GPATCH2: variants seen among roughly 807,000 people sequenced by gnomAD.
GPATCH2 encodes G patch domain-containing protein 2.
GPATCH2 carries 51 observed loss-of-function variants against 58.0 expected under a neutral mutation model. That is an observed-to-expected ratio of 0.88 (90% CI 0.70 to 1.11). GPATCH2 has a LOEUF of 1.11. Among genes scored for constraint, GPATCH2 ranks in the 50% most tolerant of loss-of-function variants. The pLI is 0.00. For missense variants in GPATCH2, 625 were observed against 652.2 expected (o/e 0.96, Z 0.45); for synonymous variants, 222 against 218.5 (o/e 1.02, Z -0.14).
At chr1:217,487,200 C>T (rs1160169487) in intron 8 of GPATCH2, among the ~76,000 whole-genome samples, 1 of 152,098 alleles carries the variant, frequency 6.6e-6, no homozygotes, top group Admixed American at 6.6e-5. Context: ...CTTGAAGTTT[C>T]CTATGTATTT....
chr1:217,577,446 A>G (rs771496403), intron 5 of GPATCH2, among the ~76,000 whole-genome samples: 5 of 152,170 alleles, frequency 3.3e-5, no homozygotes, highest in African/African-American at 1.2e-4. Flanking sequence ...TCATTTCCCA[A>G]TCTGTAAAAC....
At chr1:217,538,485 T>G (rs1416695168) in intron 5 of GPATCH2, among the ~76,000 whole-genome samples, 1 of 152,216 alleles carries the variant, frequency 6.6e-6, no homozygotes, top group Non-Finnish European at 1.5e-5. Flanking sequence ...TAGCTATACT[T>G]CACCAGATTT....
At chr1:217,445,249 A>C (rs1659332955) in intron 9 of GPATCH2, among the ~76,000 whole-genome samples, 1 of 152,166 alleles carries the variant, frequency 6.6e-6, no homozygotes, top group Admixed American at 6.5e-5. Context: ...GCAAAATAGT[A>C]ATAGGCAATA....
Position 217,619,959 on chromosome 1 carries a change from G to C in GPATCH2, c.597C>G (p.Tyr199Ter), listed in dbSNP as rs1386134696. 6.2e-7 allele frequency: 1 copy of C among 1,613,786 alleles called. No homozygotes were observed. The highest frequency in any genetic ancestry group is 8.5e-7 in the Non-Finnish European group (1 of 1,179,896). The stretch of plus-strand genomic sequence containing the variant: ...TGTTCTTGGTAAATTCTTGATACTG[G>C]TAGGCTCTATCACTGTCCATGTCCT... The part of the protein sequence containing the change: ...RDQDMDSDRA[Y>*]QYQEFTKNKV... The change falls in exon 2 of 10, where the codon TAC (tyrosine) becomes TAG (stop). Residue 199 changes from tyrosine to a stop codon, truncating the protein, a stop_gained. Transcript: ENST00000366935. LOFTEE classifies it high-confidence loss of function.
At chr1:217,475,802 T>A (rs1660940921) in intron 8 of GPATCH2, among the ~76,000 whole-genome samples, 1 of 152,088 alleles carries the variant, frequency 6.6e-6, no homozygotes, top group Non-Finnish European at 1.5e-5. Flanking sequence ...ACATGCAAAA[T>A]TCCATAAATT....
intron 9 of GPATCH2, among the ~76,000 whole-genome samples, chr1:217,445,233 T>C (rs537864795): frequency 1.3e-5 from 2 of 152,138 alleles, no homozygotes; most frequent in African/African-American, 4.8e-5. Flanking sequence ...ATTATTTCAA[T>C]AGAAAGCAAA....
At chr1:217,464,829 C>T (rs1246748377) in intron 8 of GPATCH2, among the ~76,000 whole-genome samples, 1 of 152,012 alleles carries the variant, frequency 6.6e-6, no homozygotes, top group Admixed American at 6.6e-5. Flanking sequence ...GTACAGGAAA[C>T]CTCATTCAGA....
intron 6 of GPATCH2, among the ~76,000 whole-genome samples, chr1:217,504,959 A>G (rs1397421885): frequency 6.6e-6 from 1 of 152,242 alleles, no homozygotes; most frequent in Non-Finnish European, 1.5e-5. Context: ...AGAGGAAGAA[A>G]AAAATGCTCT....
chr1:217,618,377 T>C (rs369772532), intron 2 of GPATCH2, among the ~76,000 whole-genome samples: 175 of 152,016 alleles, frequency 1.2e-3, no homozygotes, highest in East Asian at 7.8e-3. Flanking sequence ...TCGGCTAATT[T>C]TTCTATTTTT....
intron 5 of GPATCH2, among the ~76,000 whole-genome samples, chr1:217,583,656 C>G (rs1283447563): frequency 6.8e-6 from 1 of 146,118 alleles, no homozygotes; most frequent in African/African-American, 2.5e-5. Flanking sequence ...TTTTTAAGAA[C>G]TGATTAAAGA....
chr1:217,434,772 A>G (rs1261181914), intron 9 of GPATCH2, among the ~76,000 whole-genome samples: 1 of 152,192 alleles, frequency 6.6e-6, no homozygotes, highest in Non-Finnish European at 1.5e-5. Context: ...TATAATTGAA[A>G]AATGTTGGTA....
chr1:217,498,879 T>A (rs554540517), intron 6 of GPATCH2: 3 of 197,274 alleles, frequency 1.5e-5, no homozygotes, highest in Non-Finnish European at 3.1e-5. Context: ...TCAGCTGAGG[T>A]ACCTTGGACC....
intron 2 of GPATCH2, among the ~76,000 whole-genome samples, chr1:217,618,964 A>G (rs1270107307): frequency 4.1e-5 from 4 of 97,334 alleles, no homozygotes; most frequent in African/African-American, 6.2e-5. Context: ...CTCTATCTCG[A>G]AAAAAAAAAA....
At chr1:217,448,150 T>C (rs1413363423) in intron 9 of GPATCH2, among the ~76,000 whole-genome samples, 1 of 151,650 alleles carries the variant, frequency 6.6e-6, no homozygotes, top group Non-Finnish European at 1.5e-5. Context: ...TTTTTTTTCC[T>C]CTTAAACTCA....
At chr1:217,441,596 T>A (rs1017558303) in intron 9 of GPATCH2, among the ~76,000 whole-genome samples, 6 of 152,078 alleles carry the variant, frequency 3.9e-5, no homozygotes, top group Non-Finnish European at 8.8e-5. Context: ...ATTTATCCAT[T>A]GACAAAGGGC....
At chr1:217,432,747 GA>G (rs202146162) in intron 9 of GPATCH2, among the ~76,000 whole-genome samples, 4 of 150,604 alleles carry the variant, frequency 2.7e-5, no homozygotes, top group Admixed American at 6.6e-5. Flanking sequence ...CAGTCTTTGA[GA>G]AAAAAAAAGA....
intron 8 of GPATCH2, among the ~76,000 whole-genome samples, chr1:217,463,750 T>C (rs958082122): frequency 6.7e-6 from 1 of 148,804 alleles, no homozygotes; most frequent in African/African-American, 2.5e-5. Context: ...AGCCCAGGAG[T>C]TCAAGGTTTA....
intron 1 of GPATCH2, among the ~76,000 whole-genome samples, chr1:217,623,889 C>T (rs1669323270): frequency 6.6e-6 from 1 of 151,846 alleles, no homozygotes; most frequent in African/African-American, 2.4e-5. Flanking sequence ...GCGAAAAGAG[C>T]AAAACTCCAT....
intron 5 of GPATCH2, among the ~76,000 whole-genome samples, chr1:217,600,950 C>T (rs1668076205): frequency 6.6e-6 from 1 of 152,076 alleles, no homozygotes; most frequent in African/African-American, 2.4e-5. Context: ...CCATAGATCA[C>T]ATATATCTCG....
Sources: gnomAD v4.1 joint callset for allele counts (sites outside exome capture counted in the v4.1 genomes callset) on GRCh38, gnomAD v4.1.1 for gene constraint, MANE v1.5 for transcripts, NCBI Gene and HGNC (gene_info 2026-07-23, HGNC 2026-07-21) for gene names.